The following AGK variants were observed in gnomAD, a reference collection of about 807,000 sequenced individuals.
AGK encodes the protein acylglycerol kinase, mitochondrial.
In AGK, 52 loss-of-function variants were observed where a neutral mutation model predicts 66.4. That is an observed-to-expected ratio of 0.78 (90% CI 0.63 to 0.99). The LOEUF (loss-of-function observed/expected upper bound fraction) is 0.99, where lower values mean the gene tolerates loss of function less well. Ranked by LOEUF, AGK falls within the 50% of genes least tolerant of loss-of-function variation. The pLI, the probability that AGK is intolerant of heterozygous loss-of-function variation, is 0.00. For synonymous variants in AGK, 182 were observed against 181.1 expected, an observed-to-expected ratio of 1.00 and a Z score of -0.04; for missense variants, 451 against 506.6, an observed-to-expected ratio of 0.89 and a Z score of 1.05.
intron 10 of AGK, among the ~76,000 whole-genome samples, chr7:141,635,317 G>T (rs1245315286): frequency 6.6e-6 from 1 of 151,918 alleles, no homozygotes; most frequent in Non-Finnish European, 1.5e-5. Flanking sequence ...TTCCTAGCTG[G>T]CTGTAGGAAG....
rs947028760 is a variant in AGK, at chr7:141,555,981, C to T, written c.101+414C>T. Among the ~76,000 whole-genome samples the T allele has an allele frequency of 9.2e-5, 14 of 152,172 alleles. No homozygotes were observed. Among genetic ancestry groups the T allele is most frequent in the African/African-American group, 2.4e-4 (10 of 41,446 alleles). Reference sequence around the variant, plus strand: ...ACAGCCTCAGGAAGTTCTGATGACACGTGCCCAAGGTGGTCTGAGCGCAGC... The same window carrying T: ...ACAGCCTCAGGAAGTTCTGATGACATGTGCCCAAGGTGGTCTGAGCGCAGC... On this transcript the variant is annotated intron_variant, in intron 2 of 15. Transcript: ENST00000649286. The surrounding 1 kb of genome is among the most constrained non-coding windows in gnomAD (Gnocchi z 4.2).
At chr7:141,561,089 G>A (rs1001897603) in intron 2 of AGK, among the ~76,000 whole-genome samples, 4 of 152,114 alleles carry the variant, frequency 2.6e-5, no homozygotes, top group Non-Finnish European at 4.4e-5. Context: ...CACCGCGCCC[G>A]GCCCATTATT....
intron 2 of AGK, among the ~76,000 whole-genome samples, chr7:141,563,353 T>G (rs1411659356): frequency 6.6e-6 from 1 of 152,232 alleles, no homozygotes; most frequent in Non-Finnish European, 1.5e-5. Context: ...TCCAAACCAT[T>G]TATCTTCCAT....
Position 141,652,776 on chromosome 7 carries a change from C to T in AGK, c.1132-11C>T, listed in dbSNP as rs201262633. 9.3e-6 allele frequency: 15 copies of T among 1,612,352 alleles called. No homozygotes were observed. Among genetic ancestry groups the T allele is most frequent in the Non-Finnish European group, 8.5e-7 (1 of 1,179,884 alleles). On this transcript the variant is annotated splice_polypyrimidine_tract_variant and intron_variant, in intron 15 of 15. Coordinates refer to ENST00000649286, the MANE Select transcript of AGK (RefSeq NM_018238.4). Reference sequence around the variant, plus strand: ...GTGTTTGAGCTGTTCTGAATATTCTCTTCTCCCCAGGGAGCAGGGGGCTCT... The same window carrying T: ...GTGTTTGAGCTGTTCTGAATATTCTTTTCTCCCCAGGGAGCAGGGGGCTCT...
chr7:141,591,313 G>A (rs982223065), intron 2 of AGK, among the ~76,000 whole-genome samples: 3 of 151,862 alleles, frequency 2.0e-5, no homozygotes, highest in Non-Finnish European at 4.4e-5. Context: ...GGCTGGTCAC[G>A]AACTCCTGAC....
At chr7:141,573,615 C>T (rs1795663466) in intron 2 of AGK, among the ~76,000 whole-genome samples, 1 of 152,176 alleles carries the variant, frequency 6.6e-6, no homozygotes, top group East Asian at 1.9e-4. Context: ...AAAAGATTGA[C>T]AGTAGTAGCT....
intron 13 of AGK, among the ~76,000 whole-genome samples, chr7:141,646,967 GCTTT>G (rs1279443801): frequency 2.0e-5 from 3 of 152,130 alleles, no homozygotes; most frequent in Non-Finnish European, 2.9e-5. Context: ...CAGTGGCTGT[GCTTT>G]CTTTCTTTTC....
chr7:141,617,917 C>T (rs1052282372), intron 8 of AGK, among the ~76,000 whole-genome samples: 1 of 152,142 alleles, frequency 6.6e-6, no homozygotes, highest in African/African-American at 2.4e-5. Flanking sequence ...ATGCTGCTTA[C>T]TTTCTCCTAC....
intron 10 of AGK, among the ~76,000 whole-genome samples, chr7:141,636,705 G>T (rs749083253): frequency 6.6e-6 from 1 of 152,184 alleles, no homozygotes; most frequent in East Asian, 1.9e-4. Flanking sequence ...GACTCAAGGA[G>T]CCTGGTTATA....
At chr7:141,621,460 A>T (rs1372507320) in intron 8 of AGK, among the ~76,000 whole-genome samples, 1 of 152,188 alleles carries the variant, frequency 6.6e-6, no homozygotes, top group Non-Finnish European at 1.5e-5. Flanking sequence ...GTCAGGCACA[A>T]TGTAGAGACT....
At chr7:141,578,387 G>A (rs1795800106) in intron 2 of AGK, among the ~76,000 whole-genome samples, 1 of 151,918 alleles carries the variant, frequency 6.6e-6, no homozygotes, top group Non-Finnish European at 1.5e-5. Flanking sequence ...CACTTCTTTT[G>A]TGATTCTTCA....
intron 3 of AGK, among the ~76,000 whole-genome samples, chr7:141,595,377 G>T (rs1796207038): frequency 6.6e-6 from 1 of 152,144 alleles, no homozygotes; most frequent in Admixed American, 6.5e-5. Flanking sequence ...GTCTAAGTAA[G>T]AATGAAAACA....
intron 13 of AGK, among the ~76,000 whole-genome samples, chr7:141,645,067 G>A (rs1797380525): frequency 6.6e-6 from 1 of 151,958 alleles, no homozygotes; most frequent in Non-Finnish European, 1.5e-5. Context: ...ATTTTAGAAT[G>A]TTTATTTTAT....
intron 11 of AGK, among the ~76,000 whole-genome samples, chr7:141,638,166 G>A (rs181428255): frequency 6.6e-6 from 1 of 152,196 alleles, no homozygotes; most frequent in Non-Finnish European, 1.5e-5. Flanking sequence ...GGAGGGAAGT[G>A]TAAGTAAATC....
At chr7:141,554,985 A>G (rs1795176498) in intron 1 of AGK, among the ~76,000 whole-genome samples, 1 of 151,922 alleles carries the variant, frequency 6.6e-6, no homozygotes, top group African/African-American at 2.4e-5. Flanking sequence ...AGGACCTGGT[A>G]TTTTCTTCTA....
In AGK at chr7:141,555,324, A is replaced by T; in HGVS notation, c.-14-129A>T. ...TGAGGCCAGAGGAGAAGTGGTAAGG[A>T]GGAAGAGGAGTGAGTGGGAAAAAAA... On this transcript the variant is annotated intron_variant, in intron 1 of 15. Transcript: ENST00000649286. This position sits in a 1 kb window ranked among gnomAD's most constrained non-coding sequence, Gnocchi z 4.2. 1 of 584,616 alleles carries T rather than the reference A, an allele frequency of 1.7e-6. No homozygotes were observed. Among genetic ancestry groups the T allele is most frequent in the East Asian group, 3.1e-5 (1 of 32,594 alleles). The allele number at this position is 584,616 out of a possible 1,614,324, so 36.2% of individuals were successfully genotyped here.
At chr7:141,572,722 A>C (rs1467005714) in intron 2 of AGK, among the ~76,000 whole-genome samples, 1 of 152,120 alleles carries the variant, frequency 6.6e-6, no homozygotes, top group Non-Finnish European at 1.5e-5. Context: ...AGAAATAAGA[A>C]AGTTGCCAGG....
intron 2 of AGK, among the ~76,000 whole-genome samples, chr7:141,573,792 G>A (rs1054581474): frequency 3.3e-5 from 5 of 152,166 alleles, no homozygotes; most frequent in Non-Finnish European, 5.9e-5. Flanking sequence ...TGGAGTAGCT[G>A]TCAGGAGCTC....
intron 2 of AGK, among the ~76,000 whole-genome samples, chr7:141,589,071 G>T (rs1796053498): frequency 6.6e-6 from 1 of 152,062 alleles, no homozygotes; most frequent in Admixed American, 6.6e-5. Context: ...TACCTCCTGG[G>T]AATGCAGCCC....
Sources: allele counts gnomAD v4.1 joint callset (sites outside exome capture counted in the v4.1 genomes callset), GRCh38; gene constraint gnomAD v4.1.1; non-coding constraint Gnocchi (gnomAD v3.1); transcripts MANE v1.5; gene names NCBI Gene and HGNC (gene_info 2026-07-23, HGNC 2026-07-21).